Variants in BTAF1 observed in about 807,000 individuals in gnomAD.
BTAF1 encodes B-TFIID TATA-box binding protein associated factor 1, also known as TATA-binding protein-associated factor 172.
BTAF1 carries 38 observed loss-of-function variants against 227.1 expected under a neutral mutation model. That is an observed-to-expected ratio of 0.17 (90% CI 0.13 to 0.22). The LOEUF is 0.22. BTAF1 is among the 10% of genes least tolerant of loss of function. The probability of loss-of-function intolerance (pLI) is 1.00; values close to 1 mark genes in which losing one functional copy is unlikely to be tolerated. For missense variants in BTAF1, 1,598 were observed against 2,204.0 expected (o/e 0.73, Z 5.51); for synonymous variants, 742 against 751.9 (o/e 0.99, Z 0.21).
In BTAF1 at chr10:91,989,135, T is replaced by C; in HGVS notation, c.2428-19T>C. The C allele has an allele frequency of 6.3e-7, 1 of 1,580,028 alleles. No individual in the cohort carries two copies. Among genetic ancestry groups the C allele is most frequent in the South Asian group, 1.2e-5 (1 of 85,976 alleles). On this transcript the variant is annotated intron_variant, in intron 19 of 37. Transcript: ENST00000265990. ...GGTTGATATGATTAATGATTTTTAA[T>C]TTCTTTTTTTTTTAATAGGTCACTA...
intron 37 of BTAF1, 38 bp from the exon 38 acceptor site, chr10:92,028,752 T>C (rs778513706): frequency 6.6e-7 from 1 of 1,517,420 alleles, no homozygotes; most frequent in Non-Finnish European, 8.9e-7. Context: ...AGTTAACCTC[T>C]CATTTTATTT....
chr10:91,939,011 A>G (rs1332092103), intron 2 of BTAF1, among the ~76,000 whole-genome samples: 1 of 148,780 alleles, frequency 6.7e-6, no homozygotes, highest in African/African-American at 2.5e-5. Flanking sequence ...TTTTGATAGG[A>G]ATTGTGTTGA....
intron 28 of BTAF1, 64 bp downstream of exon 28, chr10:92,009,272 A>G: frequency 6.6e-7 from 1 of 1,513,272 alleles, no homozygotes; most frequent in Non-Finnish European, 9.0e-7. Context: ...AAGGAACAGT[A>G]ACATTTATTA....
At chr10:91,927,141 A>AT (rs60927634) in intron 1 of BTAF1, among the ~76,000 whole-genome samples, 307 of 143,688 alleles carry the variant, frequency 2.1e-3, no homozygotes, top group African/African-American at 3.8e-3. Flanking sequence ...TTTTTGTTTG[A>AT]TTTTTTTTTT....
At chr10:91,952,103 G>C (rs1179815802) in intron 5 of BTAF1, among the ~76,000 whole-genome samples, 1 of 151,746 alleles carries the variant, frequency 6.6e-6, no homozygotes, top group Non-Finnish European at 1.5e-5. Context: ...TGAAACTTGT[G>C]TGTACCAAGT....
intron 36 of BTAF1, 129 bp downstream of exon 36, chr10:92,026,880 ACT>A: frequency 9.3e-7 from 1 of 1,072,880 alleles, no homozygotes; most frequent in Non-Finnish European, 1.3e-6. Flanking sequence ...TGGACAGATC[ACT>A]TAACTCTTCT....
At chr10:91,951,801 G>T (rs1234503982) in intron 5 of BTAF1, among the ~76,000 whole-genome samples, 2 of 152,036 alleles carry the variant, frequency 1.3e-5, no homozygotes, top group Non-Finnish European at 2.9e-5. Flanking sequence ...GACCTTTTAG[G>T]CACTACTGGT....
intron 1 of BTAF1, 38 bp from the exon 2 acceptor site, chr10:91,935,619 A>G: frequency 6.2e-7 from 1 of 1,603,598 alleles, no homozygotes; most frequent in Non-Finnish European, 8.5e-7. Context: ...TACGAGGAAA[A>G]GCATTTGAGA....
Position 92,011,339 on chromosome 10 carries a change from GA to G in BTAF1, c.4240del (p.Thr1414GlnfsTer7). 6.7e-7 allele frequency: 1 copy of G among 1,499,234 alleles called. No homozygotes were observed. The highest frequency in any genetic ancestry group is 8.8e-7 in the Non-Finnish European group (1 of 1,130,882). 92.9% of individuals were successfully genotyped at this position (1,499,234 alleles called of 1,614,324 possible). On this transcript the variant is annotated frameshift_variant, in exon 30 of 38. Coordinates refer to ENST00000265990, the MANE Select transcript of BTAF1 (RefSeq NM_003972.3). LOFTEE classifies it high-confidence loss of function. ...GATGAAGGCCATGTCATCAAAAATG[GA>G]AAAACAAAGTTGTCAAAAGCAGTAA... ...ILDEGHVIKN[G>X]KTKLSKAVKQ...
At chr10:91,997,271 A>G in intron 24 of BTAF1, 1 of 722,654 alleles carries the variant, frequency 1.4e-6, no homozygotes, top group Non-Finnish European at 2.0e-6. Flanking sequence ...TTACAATGTG[A>G]CTTATTTTAT....
At chr10:91,964,026 G>A in intron 12 of BTAF1, 51 bp from the exon 13 acceptor site, 2 of 1,602,960 alleles carry the variant, frequency 1.2e-6, no homozygotes, top group South Asian at 1.1e-5. Context: ...GGCAGGGTTT[G>A]TGAGTATTTT....
intron 25 of BTAF1, among the ~76,000 whole-genome samples, chr10:92,005,015 T>G (rs537001042): frequency 1.3e-5 from 2 of 152,340 alleles, no homozygotes; most frequent in African/African-American, 2.4e-5. Context: ...TCCTTTCCCC[T>G]TGTGTGTTCT....
At chr10:92,008,479 G>T (rs1850086811) in intron 26 of BTAF1, among the ~76,000 whole-genome samples, 1 of 151,120 alleles carries the variant, frequency 6.6e-6, no homozygotes, top group South Asian at 2.1e-4. Context: ...AAGTAGCTGG[G>T]ACTATACATG....
chr10:92,026,549 G>A, intron 35 of BTAF1, 43 bp from the exon 36 acceptor site: 1 of 1,489,814 alleles, frequency 6.7e-7, no homozygotes, highest in South Asian at 1.2e-5. Flanking sequence ...TCTGTTATAG[G>A]ACTTAAGAAT....
chr10:91,959,734 GTGTGTGTATATATATATATA>G, intron 9 of BTAF1, 31 bp from the exon 10 acceptor site: 1 of 430,366 alleles, frequency 2.3e-6, no homozygotes, highest in Non-Finnish European at 3.2e-6. Flanking sequence ...GTGTGTGTGT[GTGTGTGTATATATATATATA>G]TATATATATA....
intron 34 of BTAF1, among the ~76,000 whole-genome samples, chr10:92,023,835 T>C (rs985604260): frequency 1.1e-4 from 16 of 152,190 alleles, no homozygotes; most frequent in African/African-American, 3.9e-4. Context: ...GATTTCGCCA[T>C]GTTGGCCCGG....
chr10:91,924,642 A>G (rs1401960115), intron 1 of BTAF1, among the ~76,000 whole-genome samples: 2 of 152,238 alleles, frequency 1.3e-5, no homozygotes, highest in Non-Finnish European at 2.9e-5. Context: ...CCTTAAGCCA[A>G]TTATCGTATT....
At chr10:91,955,060 A>G (rs1183596873) in intron 6 of BTAF1, among the ~76,000 whole-genome samples, 1 of 152,272 alleles carries the variant, frequency 6.6e-6, no homozygotes, top group East Asian at 1.9e-4. Flanking sequence ...GGGATAAATA[A>G]TAAACATATA....
At position 91,962,560 on chromosome 10, in the gene BTAF1, C is replaced by T; in HGVS notation, c.1286C>T (p.Pro429Leu). 1 of 1,566,354 alleles carries T rather than the reference C, an allele frequency of 6.4e-7. No homozygotes were observed. Among genetic ancestry groups the T allele is most frequent in the Non-Finnish European group, 8.8e-7 (1 of 1,142,592 alleles). The change falls in exon 12 of 38, where the codon CCT becomes CTT. Residue 429 changes from proline to leucine, a missense_variant. Transcript: ENST00000265990. ...CAGGATGTAATTAATACTTTATTGCCTAAAGTTTTAACTAGAATAATTGAA... is the reference window on the plus strand; with the variant it reads ...CAGGATGTAATTAATACTTTATTGCTTAAAGTTTTAACTAGAATAATTGAA... ...VRQDVINTLLPKVLTRIIEGL... is the reference protein window; with the variant it reads ...VRQDVINTLLLKVLTRIIEGL...
Sources: gnomAD v4.1 joint callset for allele counts (sites outside exome capture counted in the v4.1 genomes callset) on GRCh38, gnomAD v4.1.1 for gene constraint, MANE v1.5 for transcripts, NCBI Gene and HGNC (gene_info 2026-07-23, HGNC 2026-07-21) for gene names.